ORC5: variants seen among roughly 807,000 people sequenced by gnomAD.
The protein encoded by ORC5 is protein phosphatase 1, regulatory subunit 117.
In ORC5, 39 loss-of-function variants were observed where a neutral mutation model predicts 58.8. The ratio of observed to expected loss-of-function variants is 0.66; its 90% CI spans 0.51 to 0.87. The LOEUF is 0.87. ORC5 is among the 40% of genes least tolerant of loss of function. The pLI, the probability that ORC5 is intolerant of heterozygous loss-of-function variation, is 0.00. For synonymous variants in ORC5, 218 were observed against 177.6 expected, an observed-to-expected ratio of 1.23 and a Z score of -1.81; for missense variants, 493 against 506.3, an observed-to-expected ratio of 0.97 and a Z score of 0.25.
intron 12 of ORC5, among the ~76,000 whole-genome samples, chr7:104,158,668 G>A (rs1311093835): frequency 6.6e-6 from 1 of 151,824 alleles, no homozygotes; most frequent in African/African-American, 2.4e-5. Flanking sequence ...GTGGGCGAAG[G>A]ATATGAACAG....
At position 104,175,741 on chromosome 7, in the gene ORC5, A is replaced by G. The variant is rs188817765; in HGVS notation, c.825-7216T>C. On this transcript the variant is annotated intron_variant, in intron 8 of 13. Transcript: ENST00000297431. Reference sequence around the variant, plus strand: ...GCAGGGACTAGAAAAAGCTGAAACAAACCAAAACCACCCTGCTAAAACGCT... The same window carrying G: ...GCAGGGACTAGAAAAAGCTGAAACAGACCAAAACCACCCTGCTAAAACGCT... Among the ~76,000 whole-genome samples, 201 of 152,286 alleles carry G rather than the reference A, an allele frequency of 1.3e-3. 1 individual carries two copies. Among genetic ancestry groups the G allele is most frequent in the Admixed American group, 0.012 (182 of 15,290 alleles).
At position 104,129,424 on chromosome 7, in the gene ORC5, T is replaced by C. The variant is rs1315305220; in HGVS notation, c.1263-2531A>G. ...AATCGATCAGGAATTGAATATAAAA[T>C]CATTCCTTTAAGAAACATTTACTTC... On this transcript the variant is annotated intron_variant, in intron 13 of 13. Coordinates refer to ENST00000297431, the MANE Select transcript of ORC5 (RefSeq NM_002553.4). The surrounding 1 kb of genome is among the most constrained non-coding windows in gnomAD (Gnocchi z 4.9). Among the ~76,000 whole-genome samples, 1 of 152,158 alleles carries C rather than the reference T, an allele frequency of 6.6e-6. No individual in the cohort carries two copies. The highest frequency in any genetic ancestry group is 1.5e-5 in the Non-Finnish European group (1 of 68,016).
Position 104,188,247 on chromosome 7 carries a change from T to A in ORC5, c.684+4A>T, listed in dbSNP as rs779082735. On this transcript the variant is annotated splice_donor_region_variant and intron_variant, in intron 6 of 13. Coordinates refer to ENST00000297431, the MANE Select transcript of ORC5 (RefSeq NM_002553.4). ...ATATATATTCAAGCAAAATGTTCATTTACCAGATGTCTGAGCTCTTTCAAA... is the reference window on the plus strand; with the variant it reads ...ATATATATTCAAGCAAAATGTTCATATACCAGATGTCTGAGCTCTTTCAAA... The A allele has an allele frequency of 1.2e-6, 2 of 1,605,486 alleles. No homozygotes were observed. The highest frequency in any genetic ancestry group is 8.5e-7 in the Non-Finnish European group (1 of 1,174,184).
At chr7:104,201,062 C>G in intron 2 of ORC5, 104 bp from the exon 3 acceptor site, 2 of 868,320 alleles carry the variant, frequency 2.3e-6, no homozygotes, top group South Asian at 3.5e-5. Context: ...CTATATCCCA[C>G]CAAACCCACC....
At chr7:104,204,456 T>C (rs1284060483) in intron 1 of ORC5, among the ~76,000 whole-genome samples, 1 of 152,204 alleles carries the variant, frequency 6.6e-6, no homozygotes, top group African/African-American at 2.4e-5. Flanking sequence ...TTTGGCATAT[T>C]TTATTATGTA....
At chr7:104,179,364 C>T (rs894258512) in intron 8 of ORC5, among the ~76,000 whole-genome samples, 9 of 152,154 alleles carry the variant, frequency 5.9e-5, no homozygotes, top group Middle Eastern at 3.4e-3. Context: ...GGATGGTTTA[C>T]GTAAGTCATT....
chr7:104,163,224 C>T (rs879303143), intron 11 of ORC5, among the ~76,000 whole-genome samples: 5 of 152,170 alleles, frequency 3.3e-5, no homozygotes, highest in Non-Finnish European at 5.9e-5. Context: ...CACAAGAAGA[C>T]TACATTTCTC....
At chr7:104,178,726 T>A (rs1799373235) in intron 8 of ORC5, among the ~76,000 whole-genome samples, 1 of 152,138 alleles carries the variant, frequency 6.6e-6, no homozygotes, top group Middle Eastern at 3.2e-3. Flanking sequence ...TCATCTTAAT[T>A]TTTGTATAAG....
At chr7:104,207,280 T>G (rs1242569757) in intron 1 of ORC5, among the ~76,000 whole-genome samples, 1 of 152,072 alleles carries the variant, frequency 6.6e-6, no homozygotes, top group Non-Finnish European at 1.5e-5. Context: ...CAAGACAAAC[T>G]CCTCTCTAGG....
chr7:104,149,033 CAA>C (rs35619742), intron 12 of ORC5, among the ~76,000 whole-genome samples: 222 of 122,774 alleles, frequency 1.8e-3, no homozygotes, highest in Middle Eastern at 4.0e-3. Flanking sequence ...GACTCCGTCT[CAA>C]AAAAAAAAAA....
intron 12 of ORC5, among the ~76,000 whole-genome samples, chr7:104,160,422 G>T (rs1477981681): frequency 6.6e-6 from 1 of 152,064 alleles, no homozygotes; most frequent in Non-Finnish European, 1.5e-5. Context: ...ATATCATTTT[G>T]CTTTTTCTTC....
chr7:104,163,095 G>C (rs1228788276), intron 11 of ORC5, among the ~76,000 whole-genome samples: 2 of 152,156 alleles, frequency 1.3e-5, no homozygotes, highest in African/African-American at 4.8e-5. Context: ...TCCTGTGACT[G>C]ATAATCTTGT....
chr7:104,169,397 G>A (rs1206676986), intron 8 of ORC5, among the ~76,000 whole-genome samples: 5 of 152,078 alleles, frequency 3.3e-5, no homozygotes, highest in Non-Finnish European at 2.9e-5. Flanking sequence ...TTAAGAATAT[G>A]AAGTGATTAT....
At chr7:104,173,071 C>T (rs959078387) in intron 8 of ORC5, among the ~76,000 whole-genome samples, 1 of 151,164 alleles carries the variant, frequency 6.6e-6, no homozygotes, top group Non-Finnish European at 1.5e-5. Context: ...CCAGGGAGGG[C>T]CACGAAGAAA....
chr7:104,198,933 G>A (rs115481455), intron 3 of ORC5, among the ~76,000 whole-genome samples: 2,169 of 152,346 alleles, frequency 0.014, 56 homozygotes, highest in African/African-American at 0.049. Context: ...AGGGGCCAGC[G>A]TATAGCTCAG....
At chr7:104,159,745 T>C (rs952388795) in intron 12 of ORC5, among the ~76,000 whole-genome samples, 7 of 152,174 alleles carry the variant, frequency 4.6e-5, no homozygotes, top group African/African-American at 1.7e-4. Context: ...GTTTACTCAT[T>C]GCATCATATT....
At chr7:104,146,171 G>A (rs947436441) in intron 12 of ORC5, among the ~76,000 whole-genome samples, 3 of 152,166 alleles carry the variant, frequency 2.0e-5, no homozygotes, top group Non-Finnish European at 4.4e-5. Context: ...AACACCTTCT[G>A]ATACTCAAGA....
intron 3 of ORC5, 120 bp downstream of exon 3, chr7:104,200,638 T>C: frequency 1.5e-6 from 1 of 654,828 alleles, no homozygotes; most frequent in South Asian, 2.0e-5. Context: ...TTCTGTATAC[T>C]AAAAGCACCT....
chr7:104,188,445 A>AT, intron 5 of ORC5, 64 bp from the exon 6 acceptor site: 1 of 1,277,554 alleles, frequency 7.8e-7, no homozygotes, highest in Non-Finnish European at 1.1e-6. Flanking sequence ...ATCTTCAAGC[A>AT]TTTTATAACA....
Sources: allele counts gnomAD v4.1 joint callset (sites outside exome capture counted in the v4.1 genomes callset), GRCh38; gene constraint gnomAD v4.1.1; non-coding constraint Gnocchi (gnomAD v3.1); transcripts MANE v1.5; gene names NCBI Gene and HGNC (gene_info 2026-07-23, HGNC 2026-07-21).